PRKAR1B: variants seen among roughly 807,000 people sequenced by gnomAD.
The protein encoded by PRKAR1B is cAMP-dependent protein kinase type I-beta regulatory subunit.
Under a neutral mutation model 46.5 loss-of-function variants are expected in PRKAR1B, and 22 were observed. The observed-to-expected ratio is 0.47, with a 90% CI of 0.34 to 0.68. The LOEUF (loss-of-function observed/expected upper bound fraction) is 0.68, where lower values mean the gene tolerates loss of function less well. PRKAR1B is among the 30% of genes least tolerant of loss of function. The pLI is 0.01. For synonymous variants in PRKAR1B, 259 were observed against 217.7 expected (o/e 1.19, Z -1.67); for missense variants, 445 against 535.6 (o/e 0.83, Z 1.67).
intron 5 of PRKAR1B, 84 bp from the exon 6 acceptor site, chr7:606,323 C>T: frequency 7.5e-7 from 1 of 1,341,640 alleles, no homozygotes; most frequent in South Asian, 1.2e-5. Flanking sequence ...ACTTTCGCAA[C>T]ACTGTTGCAG....
In PRKAR1B at chr7:579,281, C is replaced by T. The variant is rs1449037803; in HGVS notation, c.866G>A (p.Gly289Glu). The T allele has an allele frequency of 1.2e-6, 2 of 1,614,178 alleles. No homozygotes were observed. Among genetic ancestry groups the T allele is most frequent in the Non-Finnish European group, 8.5e-7 (1 of 1,180,040 alleles). The change falls in exon 9 of 11, where the codon GGG becomes GAG. Residue 289 changes from glycine to glutamate, a missense_variant. Transcript: ENST00000537384. ...CTCCGTGATGATGTAAAAGTCGTCC[C>T]CAGGCTCTCCCTGGACCACAATTTT... Reference protein sequence around the residue: ...GEKIVVQGEPGDDFYIITEGT... With the variant: ...GEKIVVQGEPEDDFYIITEGT...
intron 4 of PRKAR1B, among the ~76,000 whole-genome samples, chr7:652,951 T>C (rs1026830316): frequency 5.9e-5 from 9 of 152,160 alleles, no homozygotes; most frequent in Non-Finnish European, 1.0e-4. Flanking sequence ...ACAGGGTGGT[T>C]GGTGGTGGCC....
At chr7:689,845 A>G (rs1409493331) in intron 2 of PRKAR1B, among the ~76,000 whole-genome samples, 1 of 151,872 alleles carries the variant, frequency 6.6e-6, no homozygotes, top group Non-Finnish European at 1.5e-5. Flanking sequence ...AAGCCTGGCT[A>G]ATTTTTTTGT....
intron 4 of PRKAR1B, among the ~76,000 whole-genome samples, chr7:635,599 G>A (rs1006001079): frequency 2.0e-5 from 3 of 152,164 alleles, no homozygotes; most frequent in African/African-American, 7.2e-5. Context: ...CGGAAGGCTC[G>A]GGACTCCTCC....
At chr7:600,804 G>C (rs890731624) in intron 6 of PRKAR1B, among the ~76,000 whole-genome samples, 1 of 152,240 alleles carries the variant, frequency 6.6e-6, no homozygotes, top group Non-Finnish European at 1.5e-5. Flanking sequence ...AGGGAGCTAC[G>C]TTCCCAGGCC....
At chr7:598,284 TCGCCCTCCCTCCAG>T (rs1781386245) in intron 6 of PRKAR1B, among the ~76,000 whole-genome samples, 2 of 124,360 alleles carry the variant, frequency 1.6e-5, no homozygotes, top group African/African-American at 3.1e-5. Context: ...CTAAACACCA[TCGCCCTCCCTCCAG>T]CACCCTCCAC....
At chr7:715,841 G>C (rs1002033981) in intron 1 of PRKAR1B, among the ~76,000 whole-genome samples, 1 of 151,386 alleles carries the variant, frequency 6.6e-6, no homozygotes, top group Non-Finnish European at 1.5e-5. Flanking sequence ...TCAGCCTCCC[G>C]AGTAGCTGGG....
At chr7:552,616 T>C (rs938937078) in intron 9 of PRKAR1B, among the ~76,000 whole-genome samples, 2 of 151,896 alleles carry the variant, frequency 1.3e-5, no homozygotes, top group Non-Finnish European at 2.9e-5. Context: ...GAGACCACCG[T>C]CCGGCCTGGC....
At chr7:689,958 G>T (rs1365185240) in intron 2 of PRKAR1B, among the ~76,000 whole-genome samples, 1 of 151,294 alleles carries the variant, frequency 6.6e-6, no homozygotes, top group African/African-American at 2.4e-5. Context: ...TGGGATTACA[G>T]GCATGAGCCA....
chr7:587,456 G>A (rs146530426), intron 7 of PRKAR1B, among the ~76,000 whole-genome samples: 3 of 152,350 alleles, frequency 2.0e-5, no homozygotes, highest in South Asian at 4.1e-4. Context: ...ACCCACTGCC[G>A]TGGTGAAGTG....
chr7:697,841 A>C (rs1779823252), intron 2 of PRKAR1B, among the ~76,000 whole-genome samples: 1 of 148,366 alleles, frequency 6.7e-6, no homozygotes, highest in Middle Eastern at 3.4e-3. Flanking sequence ...ACCAGGCCTC[A>C]CATAGAGAGT....
At chr7:620,684 T>C (rs1562567909) in intron 4 of PRKAR1B, among the ~76,000 whole-genome samples, 1 of 152,258 alleles carries the variant, frequency 6.6e-6, no homozygotes, top group Non-Finnish European at 1.5e-5. Context: ...TGAACACTCA[T>C]AAGAATGTAA....
At chr7:660,709 A>C in intron 4 of PRKAR1B, among the ~76,000 whole-genome samples, 2 of 94,002 alleles carry the variant, frequency 2.1e-5, no homozygotes, top group Non-Finnish European at 4.2e-5. Context: ...CCAAATACCT[A>C]CTCTCCCCTC....
intron 1 of PRKAR1B, among the ~76,000 whole-genome samples, chr7:711,987 A>G (rs1262769111): frequency 1.4e-5 from 2 of 143,926 alleles, no homozygotes; most frequent in Non-Finnish European, 3.0e-5. Context: ...TGAGGGTGAG[A>G]CTGTGGATGG....
At chr7:645,254 C>T (rs957956246) in intron 4 of PRKAR1B, among the ~76,000 whole-genome samples, 2 of 152,154 alleles carry the variant, frequency 1.3e-5, no homozygotes, top group Admixed American at 6.5e-5. Context: ...GCCGAAGACG[C>T]GGCAGGAGGG....
intron 2 of PRKAR1B, among the ~76,000 whole-genome samples, chr7:685,715 C>T (rs1292598500): frequency 1.3e-5 from 2 of 151,878 alleles, no homozygotes; most frequent in Non-Finnish European, 2.9e-5. Flanking sequence ...TGAAACGAAG[C>T]CTCCAACATT....
chr7:583,668 C>T (rs1196432615), intron 8 of PRKAR1B, among the ~76,000 whole-genome samples: 1 of 133,434 alleles, frequency 7.5e-6, no homozygotes, highest in Non-Finnish European at 1.6e-5. Flanking sequence ...GCGCACACAC[C>T]CACACACAAC....
At chr7:563,743 A>G (rs1285407150) in intron 9 of PRKAR1B, among the ~76,000 whole-genome samples, 1 of 150,226 alleles carries the variant, frequency 6.7e-6, no homozygotes, top group Non-Finnish European at 1.5e-5. Flanking sequence ...TGGAGTGTGT[A>G]TGTACGTGTG....
rs1778690711 is a variant in PRKAR1B at position 560,097 on chromosome 7, T to A, written c.892-8627A>T. On this transcript the variant is annotated intron_variant, in intron 9 of 10. Transcript: ENST00000537384. This position sits in a 1 kb window ranked among gnomAD's most constrained non-coding sequence, Gnocchi z 4.2. Reference sequence around the variant, plus strand: ...ATCTCATCTTGAGTTGTAGCTCCCATAATCCCCACGTGTTGTGGGAGGGAC... The same window carrying A: ...ATCTCATCTTGAGTTGTAGCTCCCAAAATCCCCACGTGTTGTGGGAGGGAC... 6.6e-6 allele frequency among the ~76,000 whole-genome samples: 1 copy of A among 152,110 alleles called. No homozygotes were observed.
Sources: gnomAD v4.1 joint callset for allele counts (sites outside exome capture counted in the v4.1 genomes callset) on GRCh38, gnomAD v4.1.1 for gene constraint, Gnocchi (gnomAD v3.1) non-coding constraint, MANE v1.5 for transcripts, NCBI Gene and HGNC (gene_info 2026-07-23, HGNC 2026-07-21) for gene names.